The following RGS17 variants were observed in gnomAD, a reference collection of about 807,000 sequenced individuals.
RGS17 encodes the protein regulator of G protein signaling 17.
A neutral mutation model predicts 25.5 loss-of-function variants in RGS17; 12 were observed. The observed-to-expected ratio is 0.47, with a 90% CI of 0.30 to 0.76. The LOEUF (loss-of-function observed/expected upper bound fraction) is 0.76. RGS17 is among the 30% of genes least tolerant of loss of function. The pLI is 0.07. For synonymous variants in RGS17, 71 were observed against 76.9 expected (o/e 0.92, Z 0.40); for missense variants, 196 against 242.2 (o/e 0.81, Z 1.27).
At chr6:153,063,384 T>G (rs903761284) in intron 1 of RGS17, among the ~76,000 whole-genome samples, 10 of 151,902 alleles carry the variant, frequency 6.6e-5, no homozygotes, top group Non-Finnish European at 1.0e-4. Flanking sequence ...ACAAAGATAA[T>G]GAAATAATTA....
chr6:153,065,564 G>A (rs1173742074), intron 1 of RGS17, among the ~76,000 whole-genome samples: 1 of 152,202 alleles, frequency 6.6e-6, no homozygotes, highest in Non-Finnish European at 1.5e-5. Context: ...TTAAAAAACT[G>A]AAATAATATC....
rs1777765361 is a variant in RGS17 at position 153,130,161 on chromosome 6, CAG to C, written c.-26+961_-26+962del. Among the ~76,000 whole-genome samples the C allele has an allele frequency of 6.6e-6, 1 of 152,164 alleles. No individual in the cohort carries two copies. The highest frequency in any genetic ancestry group is 1.9e-4 in the East Asian group (1 of 5,182). ...GCATTTATTCAGGGAGACAGGGAGG[CAG>C]AGAGAAGAGGAGAAAGCGGCCGTGT... On this transcript the variant is annotated intron_variant, in intron 1 of 4. Transcript: ENST00000206262. The surrounding 1 kb of genome is among the most constrained non-coding windows in gnomAD (Gnocchi z 6.4).
intron 2 of RGS17, among the ~76,000 whole-genome samples, chr6:153,035,861 T>C (rs1032209635): frequency 6.6e-6 from 1 of 152,222 alleles, no homozygotes; most frequent in African/African-American, 2.4e-5. Flanking sequence ...GTAGCTTTTC[T>C]TTCTCCAAGT....
At chr6:153,099,560 T>C (rs1333161753) in intron 1 of RGS17, among the ~76,000 whole-genome samples, 1 of 152,206 alleles carries the variant, frequency 6.6e-6, no homozygotes. Context: ...ATTTTGTCCA[T>C]ACCAAGTTTC....
chr6:153,068,702 G>C (rs4869778), intron 1 of RGS17, among the ~76,000 whole-genome samples: 5 of 151,954 alleles, frequency 3.3e-5, no homozygotes, highest in African/African-American at 1.2e-4. Flanking sequence ...CAAACTGCCT[G>C]TCTGACAAGG....
intron 1 of RGS17, among the ~76,000 whole-genome samples, chr6:153,045,549 C>T (rs576973700): frequency 6.6e-6 from 1 of 152,238 alleles, no homozygotes; most frequent in African/African-American, 2.4e-5. Flanking sequence ...AGAGCTGCTT[C>T]AAGACTAAGG....
At chr6:153,101,534 T>G (rs1249973121) in intron 1 of RGS17, among the ~76,000 whole-genome samples, 3 of 152,238 alleles carry the variant, frequency 2.0e-5, no homozygotes, top group Non-Finnish European at 4.4e-5. Flanking sequence ...AAAATGGAAC[T>G]GGAGACTGGT....
rs1383993571 is a variant in RGS17 at position 153,006,980 on chromosome 6, G to A, written c.*4594C>T. The A allele has an allele frequency of 2.0e-5, 3 of 152,146 alleles. No homozygotes were observed. Among genetic ancestry groups the A allele is most frequent in the African/African-American group, 7.2e-5 (3 of 41,432 alleles). The allele number at this position is 152,146 out of a possible 1,614,324, so 9.4% of individuals were successfully genotyped here. On this transcript the variant is annotated 3_prime_UTR_variant, in exon 5 of 5. Transcript: ENST00000206262. ...ACTCATCTTATAGCTTTTGTCATAG[G>A]AAGAAAATCAGTTCCCAAACTGGGA... is the stretch of plus-strand genomic sequence containing the variant.
chr6:153,054,121 T>TAC (rs1776519878), intron 1 of RGS17, among the ~76,000 whole-genome samples: 3 of 126,060 alleles, frequency 2.4e-5, no homozygotes, highest in African/African-American at 8.8e-5. Flanking sequence ...TATGTGTATA[T>TAC]ATATATATAT....
intron 4 of RGS17, among the ~76,000 whole-genome samples, chr6:153,023,717 C>A (rs1318491979): frequency 2.0e-5 from 3 of 152,158 alleles, no homozygotes; most frequent in African/African-American, 7.2e-5. Flanking sequence ...TGTAAAGAGT[C>A]AATCATAAAC....
chr6:153,096,780 G>T (rs1777220066), intron 1 of RGS17, among the ~76,000 whole-genome samples: 1 of 152,160 alleles, frequency 6.6e-6, no homozygotes, highest in African/African-American at 2.4e-5. Flanking sequence ...CTTCAGGTTG[G>T]ATGACTTATT....
intron 1 of RGS17, among the ~76,000 whole-genome samples, chr6:153,062,139 C>T (rs1776648436): frequency 7.8e-6 from 1 of 129,012 alleles, no homozygotes; most frequent in African/African-American, 2.9e-5. Flanking sequence ...CAACTATCTA[C>T]ACAAGAAGAG....
chr6:153,056,744 A>G (rs1776565496), intron 1 of RGS17, among the ~76,000 whole-genome samples: 2 of 151,916 alleles, frequency 1.3e-5, no homozygotes, highest in African/African-American at 2.4e-5. Context: ...TATAGATTAT[A>G]TTGTCAATCT....
At chr6:153,128,078 T>C (rs560519411) in intron 1 of RGS17, among the ~76,000 whole-genome samples, 7 of 152,298 alleles carry the variant, frequency 4.6e-5, no homozygotes, top group African/African-American at 1.7e-4. Context: ...AATCTCACAC[T>C]GAAAGTCTTG....
chr6:153,014,135 A>G (rs544078612), intron 4 of RGS17, among the ~76,000 whole-genome samples: 22 of 152,344 alleles, frequency 1.4e-4, no homozygotes, highest in African/African-American at 4.8e-4. Context: ...TTAAGGGCTA[A>G]TACTAACTGG....
At chr6:153,067,928 CA>C (rs1426644866) in intron 1 of RGS17, among the ~76,000 whole-genome samples, 2 of 152,068 alleles carry the variant, frequency 1.3e-5, no homozygotes, top group African/African-American at 4.8e-5. Context: ...CTATAGTAAC[CA>C]AAACAGCATG....
At chr6:153,014,783 G>A (rs567310593) in intron 4 of RGS17, among the ~76,000 whole-genome samples, 67 of 148,074 alleles carry the variant, frequency 4.5e-4, no homozygotes, top group Non-Finnish European at 8.4e-4. Context: ...GGGCTACAGA[G>A]TGAGACTCCG....
At chr6:153,075,176 A>G (rs905704693) in intron 1 of RGS17, among the ~76,000 whole-genome samples, 5 of 152,210 alleles carry the variant, frequency 3.3e-5, no homozygotes, top group African/African-American at 1.2e-4. Flanking sequence ...TTTTGTTTAA[A>G]CTTTTGTTTA....
At chr6:153,088,124 G>A (rs1332540374) in intron 1 of RGS17, among the ~76,000 whole-genome samples, 3 of 152,156 alleles carry the variant, frequency 2.0e-5, no homozygotes, top group African/African-American at 7.2e-5. Context: ...GGTGGACTAG[G>A]GGTCTCCTGC....
Sources: gnomAD v4.1 joint callset for allele counts (sites outside exome capture counted in the v4.1 genomes callset) on GRCh38, gnomAD v4.1.1 for gene constraint, Gnocchi (gnomAD v3.1) non-coding constraint, MANE v1.5 for transcripts, NCBI Gene and HGNC (gene_info 2026-07-23, HGNC 2026-07-21) for gene names.